The following ATRNL1 variants were observed in gnomAD, a reference collection of about 807,000 sequenced individuals.
The protein encoded by ATRNL1 is attractin-like protein 1.
A neutral mutation model predicts 182.7 loss-of-function variants in ATRNL1; 95 were observed. The ratio of observed to expected loss-of-function variants is 0.52; its 90% CI spans 0.44 to 0.62. The LOEUF is 0.62. Among genes scored for constraint, ATRNL1 ranks in the 20% least tolerant of loss-of-function variants. ATRNL1 has a pLI of 0.00. For missense variants in ATRNL1, 1,471 were observed against 1,679.5 expected (o/e 0.88, Z 2.17); for synonymous variants, 576 against 568.3 (o/e 1.01, Z -0.19).
At chr10:115,328,703 A>G (rs1554934144) in intron 18 of ATRNL1, among the ~76,000 whole-genome samples, 1 of 152,024 alleles carries the variant, frequency 6.6e-6, no homozygotes, top group East Asian at 1.9e-4. Context: ...TGCCTGGCTT[A>G]TTTCACTTAA....
intron 19 of ATRNL1, among the ~76,000 whole-genome samples, chr10:115,365,718 G>C (rs1409345591): frequency 6.6e-6 from 1 of 151,650 alleles, no homozygotes; most frequent in Non-Finnish European, 1.5e-5. Flanking sequence ...CTGGTATGTT[G>C]TGTCTTTGTT....
chr10:115,230,913 G>GAA (rs1243142622), intron 9 of ATRNL1, among the ~76,000 whole-genome samples: 185 of 117,668 alleles, frequency 1.6e-3, no homozygotes, highest in African/African-American at 6.2e-3. Flanking sequence ...GAGAGAGAGA[G>GAA]AGAGAGAGAA....
intron 25 of ATRNL1, among the ~76,000 whole-genome samples, chr10:115,519,911 AG>A (rs1554984773): frequency 6.6e-6 from 1 of 152,202 alleles, no homozygotes; most frequent in African/African-American, 2.4e-5. Context: ...AACTGTTTTC[AG>A]GGAACATTTA....
intron 9 of ATRNL1, among the ~76,000 whole-genome samples, chr10:115,233,932 A>G (rs1850066252): frequency 6.6e-6 from 1 of 151,418 alleles, no homozygotes; most frequent in Non-Finnish European, 1.5e-5. Flanking sequence ...AGATTTGCAC[A>G]TGTTTTTTTT....
At chr10:115,144,401 G>A (rs184130384) in intron 5 of ATRNL1, among the ~76,000 whole-genome samples, 1 of 151,894 alleles carries the variant, frequency 6.6e-6, no homozygotes, top group African/African-American at 2.4e-5. Context: ...CTCGTGATCC[G>A]CCTTCCTCAG....
chr10:115,826,159 C>G (rs1046046275), intron 27 of ATRNL1, among the ~76,000 whole-genome samples: 1 of 151,948 alleles, frequency 6.6e-6, no homozygotes, highest in African/African-American at 2.4e-5. Context: ...TATGACTGTT[C>G]TCTAGTATAT....
At position 115,112,907 on chromosome 10, in the gene ATRNL1, G is replaced by A. The variant is rs558391763; in HGVS notation, c.294-7278G>A. On this transcript the variant is annotated intron_variant, in intron 1 of 28. Transcript: ENST00000355044. ...AAGTTCAGTAAACTTTCCAATCTAT[G>A]GGTGCCAAAACCACTCGGACCAGAT... Among the ~76,000 whole-genome samples the A allele has an allele frequency of 8.5e-5, 13 of 152,242 alleles. No homozygotes were observed. In the South Asian group the frequency reaches 2.7e-3, roughly 32 times the overall value.
chr10:115,588,046 A>T (rs559685267), intron 26 of ATRNL1, among the ~76,000 whole-genome samples: 211 of 152,314 alleles, frequency 1.4e-3, no homozygotes, highest in African/African-American at 4.6e-3. Flanking sequence ...TTACACAGGG[A>T]TTATCAGACT....
chr10:115,797,636 A>T (rs750408989), intron 27 of ATRNL1, among the ~76,000 whole-genome samples: 18 of 152,138 alleles, frequency 1.2e-4, no homozygotes, highest in Non-Finnish European at 2.5e-4. Context: ...TGTGTGTAGT[A>T]TCTGTTAGGT....
chr10:115,700,095 A>G (rs892025514), intron 26 of ATRNL1, among the ~76,000 whole-genome samples: 3 of 152,148 alleles, frequency 2.0e-5, no homozygotes, highest in African/African-American at 7.2e-5. Flanking sequence ...TCATTGATGG[A>G]CACTTAAGTT....
At chr10:115,146,313 TTTAC>T (rs1346092606) in intron 5 of ATRNL1, among the ~76,000 whole-genome samples, 26 of 152,082 alleles carry the variant, frequency 1.7e-4, no homozygotes, top group Admixed American at 1.0e-3. Context: ...AAGATTATTT[TTTAC>T]TTACTTTCCC....
intron 28 of ATRNL1, among the ~76,000 whole-genome samples, chr10:115,924,631 A>G (rs1953166544): frequency 6.6e-6 from 1 of 152,154 alleles, no homozygotes; most frequent in African/African-American, 2.4e-5. Flanking sequence ...TACCAGTACC[A>G]TGCTGTTTTG....
intron 27 of ATRNL1, among the ~76,000 whole-genome samples, chr10:115,809,317 T>A (rs1555086375): frequency 0.01 from 1 of 98 alleles, no homozygotes; most frequent in African/African-American, 0.045. Context: ...ATCCTCTGCA[T>A]TTCCCGTATA....
At chr10:115,247,880 G>A (rs1554904470) in intron 10 of ATRNL1, among the ~76,000 whole-genome samples, 1 of 152,154 alleles carries the variant, frequency 6.6e-6, no homozygotes, top group Non-Finnish European at 1.5e-5. Flanking sequence ...CAACATGGAT[G>A]GAACTGGAAG....
At chr10:115,614,425 A>G (rs1590732) in intron 26 of ATRNL1, among the ~76,000 whole-genome samples, 44,392 of 151,930 alleles carry the variant, frequency 0.29, 7,671 homozygotes, top group East Asian at 0.68. Flanking sequence ...ATATTTGTTG[A>G]TGCTTGTTTT....
At chr10:115,758,461 A>G (rs1215502839) in intron 27 of ATRNL1, among the ~76,000 whole-genome samples, 4 of 152,192 alleles carry the variant, frequency 2.6e-5, no homozygotes, top group African/African-American at 9.6e-5. Context: ...TGGAGGCTGC[A>G]GAACAACAAA....
chr10:115,154,611 A>G, intron 5 of ATRNL1, among the ~76,000 whole-genome samples: 1 of 152,132 alleles, frequency 6.6e-6, no homozygotes, highest in East Asian at 1.9e-4. Context: ...GTGTCCTAAC[A>G]TATAGTCTAT....
chr10:115,453,170 C>T (rs1847359717), intron 21 of ATRNL1, among the ~76,000 whole-genome samples: 1 of 152,120 alleles, frequency 6.6e-6, no homozygotes, highest in African/African-American at 2.4e-5. Flanking sequence ...CTAGATATCA[C>T]TTTGAGATCC....
chr10:115,396,281 C>A lies in ATRNL1; in HGVS notation c.3269+1529C>A, dbSNP rs115101297. ...AAGGCCATTTTGGTCTTAAAACCAA[C>A]GGAATTAAATCATTGTCTTCTGTTC... is the stretch of plus-strand genomic sequence containing the variant. On this transcript the variant is annotated intron_variant, in intron 20 of 28. Coordinates refer to ENST00000355044, the MANE Select transcript of ATRNL1 (RefSeq NM_207303.4). Among the ~76,000 whole-genome samples the A allele has an allele frequency of 2.2e-3, 330 of 151,894 alleles. 5 individuals are homozygous for A. Among genetic ancestry groups the A allele is most frequent in the African/African-American group, 7.6e-3 (317 of 41,502 alleles).
Sources: allele counts gnomAD v4.1 joint callset (sites outside exome capture counted in the v4.1 genomes callset), GRCh38; gene constraint gnomAD v4.1.1; transcripts MANE v1.5; gene names NCBI Gene and HGNC (gene_info 2026-07-23, HGNC 2026-07-21).